The following PCDH15 variants were observed in gnomAD, a reference collection of about 807,000 sequenced individuals.
PCDH15 encodes protocadherin-15.
Under a neutral mutation model 178.5 loss-of-function variants are expected in PCDH15, and 129 were observed. That is an observed-to-expected ratio of 0.72 (90% CI 0.63 to 0.84). The LOEUF (loss-of-function observed/expected upper bound fraction) is 0.84, where lower values mean the gene tolerates loss of function less well. Ranked by LOEUF, PCDH15 falls within the 40% of genes least tolerant of loss-of-function variation. PCDH15 has a pLI of 0.00. For missense variants in PCDH15, 2,230 were observed against 2,099.9 expected (o/e 1.06, Z -1.21); for synonymous variants, 800 against 732.0 (o/e 1.09, Z -1.50).
intron 2 of PCDH15, among the ~76,000 whole-genome samples, chr10:55,493,809 C>T (rs948583485): frequency 6.6e-6 from 1 of 151,796 alleles, no homozygotes; most frequent in South Asian, 2.1e-4. Flanking sequence ...TGAGCAGTCA[C>T]TCAAATCCAA....
Position 53,893,017 on chromosome 10 carries a change from A to G in PCDH15, c.3501+10226T>C, listed in dbSNP as rs1349779934. On this transcript the variant is annotated intron_variant, in intron 26 of 37. Coordinates refer to ENST00000644397, the MANE Select transcript of PCDH15 (RefSeq NM_001384140.1). ...AGTAAACGTAAAATATATAAAGGAA[A>G]TCAGAGAAAGTCAGTATACCACAAT... Among the ~76,000 whole-genome samples the G allele has an allele frequency of 2.0e-5, 3 of 152,324 alleles. No individual in the cohort carries two copies. The East Asian group carries it at 5.8e-4, about 29-fold the overall frequency.
At chr10:54,185,045 G>T in intron 12 of PCDH15, 89 bp downstream of exon 12, 1 of 1,497,116 alleles carries the variant, frequency 6.7e-7, no homozygotes, top group Non-Finnish European at 9.2e-7. Flanking sequence ...GATTTTTTCA[G>T]TTTTAACCAG....
At chr10:54,599,109 A>G (rs1306391972) in intron 2 of PCDH15, among the ~76,000 whole-genome samples, 1 of 152,102 alleles carries the variant, frequency 6.6e-6, no homozygotes, top group Non-Finnish European at 1.5e-5. Context: ...CATTATTCCT[A>G]TCCAATTAGC....
chr10:55,132,144 C>A (rs998201000), intron 2 of PCDH15, among the ~76,000 whole-genome samples: 1 of 152,174 alleles, frequency 6.6e-6, no homozygotes, highest in Non-Finnish European at 1.5e-5. Context: ...TCCCCTGATG[C>A]AGCCTGTGTC....
intron 25 of PCDH15, among the ~76,000 whole-genome samples, chr10:53,930,806 C>G (rs1227919156): frequency 6.6e-6 from 1 of 152,162 alleles, no homozygotes; most frequent in African/African-American, 2.4e-5. Flanking sequence ...GGATTTGAAA[C>G]TGAACTCCCA....
chr10:54,296,339 T>G (rs1304561780), intron 8 of PCDH15, among the ~76,000 whole-genome samples: 3 of 151,782 alleles, frequency 2.0e-5, no homozygotes, highest in African/African-American at 7.3e-5. Flanking sequence ...GGAAAGCCAT[T>G]CAGCTCCAGG....
At chr10:54,194,062 GAA>G (rs10629717) in intron 11 of PCDH15, among the ~76,000 whole-genome samples, 40 of 117,934 alleles carry the variant, frequency 3.4e-4, no homozygotes, top group East Asian at 2.1e-3. Flanking sequence ...AGGAAAGATT[GAA>G]AAAAAAAAAA....
intron 2 of PCDH15, among the ~76,000 whole-genome samples, chr10:55,030,967 A>T (rs991917010): frequency 6.6e-6 from 1 of 151,480 alleles, no homozygotes; most frequent in Non-Finnish European, 1.5e-5. Context: ...TTAGAAAAAA[A>T]CTATAAATAA....
chr10:54,454,491 A>G (rs2076690543), intron 3 of PCDH15, among the ~76,000 whole-genome samples: 1 of 149,814 alleles, frequency 6.7e-6, no homozygotes, highest in Non-Finnish European at 1.5e-5. Flanking sequence ...TTAATATTTA[A>G]TAAATATTAA....
intron 28 of PCDH15, among the ~76,000 whole-genome samples, chr10:53,853,641 T>C (rs2078539603): frequency 2.0e-5 from 3 of 152,034 alleles, no homozygotes. Context: ...AAAGATGATA[T>C]ACAATGGCCA....
At chr10:55,152,699 T>C (rs1838765097) in intron 2 of PCDH15, among the ~76,000 whole-genome samples, 1 of 152,144 alleles carries the variant, frequency 6.6e-6, no homozygotes, top group African/African-American at 2.4e-5. Flanking sequence ...AGAAGACAGG[T>C]TCAAGAAAAT....
intron 2 of PCDH15, among the ~76,000 whole-genome samples, chr10:55,572,197 T>G (rs1842418565): frequency 6.6e-6 from 1 of 151,870 alleles, no homozygotes; most frequent in Admixed American, 6.6e-5. Flanking sequence ...GTTTTCTGGT[T>G]TCTTTTTGGA....
intron 3 of PCDH15, among the ~76,000 whole-genome samples, chr10:54,833,032 T>C (rs1278174191): frequency 6.6e-6 from 1 of 152,146 alleles, no homozygotes; most frequent in Non-Finnish European, 1.5e-5. Flanking sequence ...AAAAGCAAAA[T>C]ATATTATTTA....
At chr10:54,451,221 T>C (rs185149381) in intron 3 of PCDH15, among the ~76,000 whole-genome samples, 184 of 152,020 alleles carry the variant, frequency 1.2e-3, no homozygotes, top group African/African-American at 4.2e-3. Flanking sequence ...CTGGCATTTA[T>C]TGGCACTTGG....
intron 21 of PCDH15, among the ~76,000 whole-genome samples, chr10:53,994,024 G>A (rs1274577268): frequency 1.3e-5 from 2 of 152,096 alleles, no homozygotes; most frequent in Admixed American, 1.3e-4. Flanking sequence ...ATTTAAATCT[G>A]GCAATTTTAT....
At chr10:55,442,276 T>G (rs1839204788) in intron 2 of PCDH15, among the ~76,000 whole-genome samples, 1 of 151,544 alleles carries the variant, frequency 6.6e-6, no homozygotes, top group South Asian at 2.1e-4. Context: ...TGATGGATAC[T>G]TATTCTAGGA....
rs145806612 is a variant in PCDH15, at chr10:55,161,159, T to C, written c.-80+5417A>G. Among the ~76,000 whole-genome samples the C allele has an allele frequency of 6.6e-3, 1,004 of 152,258 alleles. 6 individuals are homozygous for C. The highest frequency in any genetic ancestry group is 0.01 in the Middle Eastern group (3 of 292). Reference sequence around the variant, plus strand: ...TACCACAAAGGTGATAGGGGTGGGATAGCTATGGGTACCAAGGCTGAAAGA... The same window carrying C: ...TACCACAAAGGTGATAGGGGTGGGACAGCTATGGGTACCAAGGCTGAAAGA... On this transcript the variant is annotated intron_variant, in intron 2 of 5. Coordinates refer to the PCDH15 transcript ENST00000458638.
intron 2 of PCDH15, chr10:54,606,576 G>T (rs1284038679): frequency 2.0e-5 from 3 of 152,062 alleles, no homozygotes; most frequent in Non-Finnish European, 2.9e-5. Flanking sequence ...TTAGAATTTT[G>T]TGCTGTCTTG....
At chr10:54,188,883 A>T (rs2048712845) in intron 11 of PCDH15, among the ~76,000 whole-genome samples, 1 of 151,962 alleles carries the variant, frequency 6.6e-6, no homozygotes, top group Non-Finnish European at 1.5e-5. Flanking sequence ...CATATACAAG[A>T]GCATACATAT....
Sources: gnomAD v4.1 joint callset for allele counts (sites outside exome capture counted in the v4.1 genomes callset) on GRCh38, gnomAD v4.1.1 for gene constraint, MANE v1.5 for transcripts, NCBI Gene and HGNC (gene_info 2026-07-23, HGNC 2026-07-21) for gene names.